Variants in GPBP1 observed in about 807,000 individuals in gnomAD.
GPBP1 encodes the protein vasculin.
A neutral mutation model predicts 56.5 loss-of-function variants in GPBP1; 13 were observed. The ratio of observed to expected loss-of-function variants is 0.23; its 90% CI spans 0.15 to 0.37. GPBP1 has a LOEUF of 0.37. Among genes scored for constraint, GPBP1 ranks in the 10% least tolerant of loss-of-function variants. The probability of loss-of-function intolerance (pLI) is 1.00; values close to 1 mark genes in which losing one functional copy is unlikely to be tolerated. For missense variants in GPBP1, 477 were observed against 572.3 expected (o/e 0.83, Z 1.70); for synonymous variants, 204 against 188.9 (o/e 1.08, Z -0.66).
At chr5:57,196,006 A>AAAAAT (rs1754729372) in intron 2 of GPBP1, among the ~76,000 whole-genome samples, 1 of 66,990 alleles carries the variant, frequency 1.5e-5, no homozygotes, top group African/African-American at 4.7e-5. Context: ...AAAAAAAAAA[A>AAAAAT]TTTTTTTTTT....
intron 2 of GPBP1, among the ~76,000 whole-genome samples, chr5:57,213,447 A>G (rs957933944): frequency 6.6e-6 from 1 of 151,794 alleles, no homozygotes; most frequent in Non-Finnish European, 1.5e-5. Flanking sequence ...CTTATGTTCA[A>G]AGTTCTGATT....
chr5:57,199,520 ATTTCT>A (rs1163376917), intron 2 of GPBP1, among the ~76,000 whole-genome samples: 3 of 151,744 alleles, frequency 2.0e-5, no homozygotes, highest in Admixed American at 6.6e-5. Flanking sequence ...TTGCTACCAG[ATTTCT>A]TTTCTTTTCT....
At chr5:57,198,536 CTTAG>C (rs1405573783) in intron 2 of GPBP1, among the ~76,000 whole-genome samples, 1 of 152,022 alleles carries the variant, frequency 6.6e-6, no homozygotes, top group East Asian at 1.9e-4. Context: ...TCATAGTTTT[CTTAG>C]TTTTCTATAG....
At chr5:57,218,016 A>G (rs1223152394) in intron 3 of GPBP1, among the ~76,000 whole-genome samples, 1 of 152,048 alleles carries the variant, frequency 6.6e-6, no homozygotes. Flanking sequence ...ATTTAAAGTA[A>G]TTCCTATAGG....
intron 2 of GPBP1, among the ~76,000 whole-genome samples, chr5:57,192,858 C>T (rs1017998467): frequency 5.3e-5 from 8 of 151,652 alleles, no homozygotes; most frequent in South Asian, 2.1e-4. Flanking sequence ...ATGTTACTTA[C>T]AGTATGTATA....
intron 10 of GPBP1, among the ~76,000 whole-genome samples, chr5:57,253,080 CT>C (rs1741469508): frequency 1.3e-5 from 2 of 152,166 alleles, no homozygotes; most frequent in African/African-American, 2.4e-5. Context: ...ATAGTGATCT[CT>C]TAAGTGGTTT....
rs1397368642 is a variant in GPBP1 at position 57,176,201 on chromosome 5, TC to T, written c.-256del. On this transcript the variant is annotated 5_prime_UTR_variant, in exon 2 of 12. Transcript: ENST00000506184. ...CTTAAATCTAAAGAACTTGGCTAAT[TC>T]GGGAGATAGCCATATGAAAACTTTA... 2.5e-6 allele frequency: 1 copy of T among 392,774 alleles called. No homozygotes were observed. Among genetic ancestry groups the T allele is most frequent in the African/African-American group, 2.1e-5 (1 of 48,538 alleles). 24.3% of individuals were successfully genotyped at this position (392,774 alleles called of 1,614,324 possible).
chr5:57,228,805 G>GA (rs59587632), intron 3 of GPBP1, among the ~76,000 whole-genome samples: 11,094 of 142,452 alleles, frequency 0.078, 835 homozygotes, highest in African/African-American at 0.19. Flanking sequence ...ATGCAAGACT[G>GA]AAAAAAAAAA....
chr5:57,257,245 A>T (rs1741705736), intron 10 of GPBP1, among the ~76,000 whole-genome samples: 2 of 152,194 alleles, frequency 1.3e-5, no homozygotes, highest in African/African-American at 2.4e-5. Flanking sequence ...CATGTTGGCC[A>T]GGCTGGTCTC....
At chr5:57,208,655 CTTT>C (rs70999065) in intron 2 of GPBP1, among the ~76,000 whole-genome samples, 37 of 119,044 alleles carry the variant, frequency 3.1e-4, no homozygotes, top group Admixed American at 4.4e-4. Context: ...TTTTGTTTTT[CTTT>C]TTTTTTTTTT....
intron 6 of GPBP1, chr5:57,245,435 A>AG (rs1446528950): frequency 6.6e-6 from 1 of 152,178 alleles, no homozygotes; most frequent in Non-Finnish European, 1.5e-5. Flanking sequence ...TTAGTTTTTG[A>AG]GGAGGGAATC....
chr5:57,213,329 G>T (rs904720666), intron 2 of GPBP1, among the ~76,000 whole-genome samples: 4 of 152,116 alleles, frequency 2.6e-5, no homozygotes, highest in Non-Finnish European at 2.9e-5. Flanking sequence ...GGGATGACAG[G>T]CATGAGCCAC....
intron 6 of GPBP1, among the ~76,000 whole-genome samples, chr5:57,244,739 T>TC: frequency 6.9e-6 from 1 of 145,146 alleles, no homozygotes; most frequent in East Asian, 2.0e-4. Flanking sequence ...TTTTTTTTTT[T>TC]TTTTTTTTTT....
intron 2 of GPBP1, among the ~76,000 whole-genome samples, chr5:57,209,381 G>A (rs1362104929): frequency 6.6e-6 from 1 of 152,188 alleles, no homozygotes; most frequent in Non-Finnish European, 1.5e-5. Flanking sequence ...GCACTCTACA[G>A]CCTCAAACTG....
intron 2 of GPBP1, among the ~76,000 whole-genome samples, chr5:57,201,108 G>A (rs921869114): frequency 3.3e-5 from 5 of 152,210 alleles, no homozygotes. Flanking sequence ...ACAGGCATGA[G>A]CCACTGCGCT....
chr5:57,217,505 A>AGGTTGTG (rs1755748629), intron 3 of GPBP1, among the ~76,000 whole-genome samples: 1 of 152,144 alleles, frequency 6.6e-6, no homozygotes, highest in Non-Finnish European at 1.5e-5. Flanking sequence ...GGGAGGGTGG[A>AGGTTGTG]GGTTGTGGTG....
intron 1 of GPBP1, 109 bp from the exon 2 acceptor site, chr5:57,175,339 G>GT (rs1753753060): frequency 1.8e-5 from 7 of 387,280 alleles, no homozygotes; most frequent in South Asian, 2.9e-4. Flanking sequence ...CTCCTGTAGG[G>GT]TTATATAGAA....
chr5:57,232,499 A>G (rs1756501728), intron 5 of GPBP1, among the ~76,000 whole-genome samples: 1 of 152,210 alleles, frequency 6.6e-6, no homozygotes, highest in African/African-American at 2.4e-5. Flanking sequence ...TAAGTCATAG[A>G]CTGTTCTTCC....
At chr5:57,196,116 T>C (rs1754738770) in intron 2 of GPBP1, among the ~76,000 whole-genome samples, 1 of 152,022 alleles carries the variant, frequency 6.6e-6, no homozygotes, top group African/African-American at 2.4e-5. Context: ...TGTCAGTGTT[T>C]TCTATCTCTG....
Sources: gnomAD v4.1 joint callset for allele counts (sites outside exome capture counted in the v4.1 genomes callset) on GRCh38, gnomAD v4.1.1 for gene constraint, MANE v1.5 for transcripts, NCBI Gene and HGNC (gene_info 2026-07-23, HGNC 2026-07-21) for gene names.